Variants in CNTN6 observed in about 807,000 individuals in gnomAD.
CNTN6 encodes contactin 6, also known as contactin-6.
A neutral mutation model predicts 122.8 loss-of-function variants in CNTN6; 137 were observed. The ratio of observed to expected loss-of-function variants is 1.12; its 90% confidence interval spans 0.97 to 1.29. The LOEUF (loss-of-function observed/expected upper bound fraction) is 1.29, where lower values mean the gene tolerates loss of function less well. Ranked by LOEUF, CNTN6 falls within the 50% of genes most tolerant of loss-of-function variation. The pLI, the probability that CNTN6 is intolerant of heterozygous loss-of-function variation, is 0.00. For synonymous variants in CNTN6, 570 were observed against 426.0 expected (o/e 1.34, Z -4.16); for missense variants, 1,634 against 1,223.4 (o/e 1.34, Z -5.01).
intron 2 of CNTN6, among the ~76,000 whole-genome samples, chr3:1,161,237 A>AGC (rs760553872): frequency 0.18 from 26,477 of 149,158 alleles, 2,838 homozygotes; most frequent in East Asian, 0.31. Flanking sequence ...ATTGCATATA[A>AGC]TGATATATGA....
chr3:1,193,203 A>C (rs2093727850), intron 2 of CNTN6, among the ~76,000 whole-genome samples: 1 of 152,174 alleles, frequency 6.6e-6, no homozygotes, highest in South Asian at 2.1e-4. Flanking sequence ...TGTTTTAAAT[A>C]ACTTTTACGT....
chr3:1,301,383 T>C (rs1176918894), intron 7 of CNTN6, among the ~76,000 whole-genome samples: 1 of 151,994 alleles, frequency 6.6e-6, no homozygotes, highest in Non-Finnish European at 1.5e-5. Flanking sequence ...CCCAGAAAAA[T>C]TTGAGTTGGA....
At position 1,321,655 on chromosome 3, in the gene CNTN6, T is replaced by G; in HGVS notation, c.767T>G (p.Val256Gly). Residue 256 changes from valine (V) to glycine (G), a missense_variant, in exon 8 of 23, where the codon GTC (valine) becomes GGC (glycine). Val to Gly is a moderately radical substitution (Grantham distance 109). Transcript: ENST00000446702. ...AATGAGGTGTAACTGTTTAGTCCAG[T>G]CCCCGATATTAGTTGGAGAAGGTTG... is the stretch of plus-strand genomic sequence containing the variant. ...KLECFALGNP[V>G]PDISWRRLDG... 6.2e-7 allele frequency: 1 copy of G among 1,610,632 alleles called. No homozygotes were observed. The highest frequency in any genetic ancestry group is 8.5e-7 in the Non-Finnish European group (1 of 1,178,010).
At chr3:1,346,053 T>TA (rs1704640779) in intron 11 of CNTN6, among the ~76,000 whole-genome samples, 1 of 152,060 alleles carries the variant, frequency 6.6e-6, no homozygotes, top group South Asian at 2.1e-4. Flanking sequence ...TGTACAAAGT[T>TA]ATGGTTGATA....
intron 20 of CNTN6, among the ~76,000 whole-genome samples, chr3:1,390,825 C>G (rs908916802): frequency 1.7e-3 from 251 of 150,558 alleles, no homozygotes; most frequent in Middle Eastern, 6.8e-3. Context: ...ATAAATTCCT[C>G]GACACATACA....
intron 12 of CNTN6, among the ~76,000 whole-genome samples, chr3:1,368,702 A>G (rs575590383): frequency 5.3e-5 from 8 of 152,206 alleles, no homozygotes; most frequent in African/African-American, 9.6e-5. Flanking sequence ...TATAACCTCA[A>G]TAAAGTATTA....
At chr3:1,308,274 T>C (rs553078185) in intron 7 of CNTN6, among the ~76,000 whole-genome samples, 1 of 137,088 alleles carries the variant, frequency 7.3e-6, no homozygotes, top group Non-Finnish European at 1.6e-5. Context: ...CACTCATCAA[T>C]GTATGGGGTG....
chr3:1,382,810 T>A, intron 17 of CNTN6, 132 bp from the exon 18 acceptor site: 1 of 630,084 alleles, frequency 1.6e-6, no homozygotes, highest in Non-Finnish European at 2.7e-6. Context: ...AAGTGTTTTT[T>A]AATACATCAT....
intron 11 of CNTN6, among the ~76,000 whole-genome samples, chr3:1,346,363 T>C (rs1704694910): frequency 6.6e-6 from 1 of 152,138 alleles, no homozygotes; most frequent in Non-Finnish European, 1.5e-5. Flanking sequence ...TGTTTGGGCC[T>C]TGGGGACAGA....
At chr3:1,146,069 A>G (rs1178567764) in intron 1 of CNTN6, among the ~76,000 whole-genome samples, 1 of 152,036 alleles carries the variant, frequency 6.6e-6, no homozygotes, top group Non-Finnish European at 1.5e-5. Context: ...CCTTTCTTGT[A>G]CTACAAAAGT....
chr3:1,096,981 G>C (rs891715918), intron 1 of CNTN6, among the ~76,000 whole-genome samples: 2 of 152,118 alleles, frequency 1.3e-5, no homozygotes, highest in Non-Finnish European at 2.9e-5. Context: ...TTTATTTAAG[G>C]AGTTTTAAAT....
chr3:1,346,801 T>C (rs1222356237), intron 11 of CNTN6, among the ~76,000 whole-genome samples: 1 of 152,156 alleles, frequency 6.6e-6, no homozygotes, highest in Admixed American at 6.5e-5. Context: ...CAAAATCTGA[T>C]GCACATGCTG....
At chr3:1,325,214 CA>C (rs2125984879) in intron 8 of CNTN6, among the ~76,000 whole-genome samples, 1 of 151,922 alleles carries the variant, frequency 6.6e-6, no homozygotes, top group South Asian at 2.1e-4. Context: ...TTGGAAAACT[CA>C]CACCCAGAAT....
chr3:1,304,766 G>T (rs1313548488), intron 7 of CNTN6, among the ~76,000 whole-genome samples: 2 of 151,958 alleles, frequency 1.3e-5, no homozygotes, highest in Non-Finnish European at 2.9e-5. Context: ...GGCCGAGGTG[G>T]GTGGATCACG....
chr3:1,187,420 A>G (rs1056123985), intron 2 of CNTN6, among the ~76,000 whole-genome samples: 8 of 152,174 alleles, frequency 5.3e-5, no homozygotes, highest in Non-Finnish European at 1.2e-4. Context: ...GATCTTTTGT[A>G]GAAAACATAG....
At chr3:1,282,359 C>G (rs1197017436) in intron 5 of CNTN6, among the ~76,000 whole-genome samples, 2 of 152,172 alleles carry the variant, frequency 1.3e-5, no homozygotes, top group African/African-American at 4.8e-5. Flanking sequence ...GAAGGCATCA[C>G]AGTGCAAAAG....
chr3:1,173,281 G>T (rs1395634196), intron 2 of CNTN6: 1 of 456,646 alleles, frequency 2.2e-6, no homozygotes, highest in Admixed American at 2.3e-5. Flanking sequence ...TACCTCTTAT[G>T]CTAAGTGCCC....
intron 4 of CNTN6, among the ~76,000 whole-genome samples, chr3:1,244,505 G>A (rs1186627446): frequency 2.8e-5 from 4 of 145,398 alleles, no homozygotes; most frequent in African/African-American, 1.0e-4. Context: ...GGGTTGAGGG[G>A]TACTTGGCCC....
At position 1,263,124 on chromosome 3, in the gene CNTN6, T is replaced by C. The variant is rs2094874075; in HGVS notation, c.359-15289T>C. Among the ~76,000 whole-genome samples, 3 of 152,230 alleles carry C rather than the reference T, an allele frequency of 2.0e-5. No homozygotes were observed. In the South Asian group the frequency reaches 6.2e-4, roughly 32 times the overall value. On this transcript the variant is annotated intron_variant, in intron 4 of 22. Transcript: ENST00000446702. ...TTTTATAGATCCATTCACCCATTCC[T>C]CTTTTCAGCAAATGTTCTTGAGTGC... is the stretch of plus-strand genomic sequence containing the variant.
Sources: allele counts gnomAD v4.1 joint callset (sites outside exome capture counted in the v4.1 genomes callset), GRCh38; gene constraint gnomAD v4.1.1; transcripts MANE v1.5; gene names NCBI Gene and HGNC (gene_info 2026-07-23, HGNC 2026-07-21).